ANKRD36C: variants seen among roughly 807,000 people sequenced by gnomAD.
ANKRD36C encodes the protein ankyrin repeat domain 36C.
ANKRD36C carries 61 observed loss-of-function variants against 276.4 expected under a neutral mutation model. The observed-to-expected ratio is 0.22, with a 90% confidence interval of 0.18 to 0.27. The LOEUF (loss-of-function observed/expected upper bound fraction) is 0.27, where lower values mean the gene tolerates loss of function less well. ANKRD36C is among the 10% of genes least tolerant of loss of function. The pLI is 1.00. For missense variants in ANKRD36C, 1,447 were observed against 2,032.3 expected (o/e 0.71, Z 5.54); for synonymous variants, 483 against 680.1 (o/e 0.71, Z 4.51).
At chr2:95,967,203 G>C (rs570140501) in intron 6 of ANKRD36C, among the ~76,000 whole-genome samples, 5 of 152,084 alleles carry the variant, frequency 3.3e-5, no homozygotes, top group South Asian at 2.1e-4. Flanking sequence ...TCAGAGTGAA[G>C]AGGCAACCTA....
At chr2:95,887,470 C>T (rs1280636113) in intron 50 of ANKRD36C, among the ~76,000 whole-genome samples, 1 of 151,366 alleles carries the variant, frequency 6.6e-6, no homozygotes, top group Non-Finnish European at 1.5e-5. Context: ...AATCCCTCTT[C>T]CTTGGGAAAA....
intron 60 of ANKRD36C, among the ~76,000 whole-genome samples, chr2:95,861,976 AC>A (rs372704671): frequency 2.6e-5 from 4 of 152,196 alleles, no homozygotes; most frequent in Middle Eastern, 3.4e-3. Context: ...AAAAAAAAAA[AC>A]ATTCCAGCAA....
chr2:95,883,890 T>A (rs1237985835), intron 54 of ANKRD36C, among the ~76,000 whole-genome samples: 2 of 152,048 alleles, frequency 1.3e-5, no homozygotes, highest in East Asian at 3.9e-4. Context: ...TGCTGTAGAA[T>A]TAAAGCAAAA....
chr2:95,987,984 A>G (rs991327138), intron 1 of ANKRD36C, among the ~76,000 whole-genome samples: 34 of 152,050 alleles, frequency 2.2e-4, no homozygotes, highest in African/African-American at 8.2e-4. Flanking sequence ...TTCATTATTT[A>G]TTACATTTAT....
intron 6 of ANKRD36C, among the ~76,000 whole-genome samples, chr2:95,977,842 C>T (rs1443846666): frequency 2.6e-5 from 4 of 151,944 alleles, no homozygotes; most frequent in Non-Finnish European, 5.9e-5. Flanking sequence ...AAAAATACAA[C>T]ATAATAACTT....
At chr2:95,868,929 C>T (rs1431008331) in intron 59 of ANKRD36C, among the ~76,000 whole-genome samples, 3 of 152,304 alleles carry the variant, frequency 2.0e-5, no homozygotes, top group Non-Finnish European at 4.4e-5. Context: ...CTTGTTTGAT[C>T]CACATTCTCT....
rs1675312642 is a variant in ANKRD36C at position 95,852,303 on chromosome 2, C to CT, written c.5149-108dup. The CT allele has an allele frequency of 8.2e-6, 7 of 855,962 alleles. No individual in the cohort carries two copies. In the Admixed American group the frequency reaches 1.4e-4, roughly 17 times the overall value. The allele number at this position is 855,962 out of a possible 1,614,324, so 53.0% of individuals were successfully genotyped here. A position where few individuals can be genotyped will look rare whatever the true frequency, so the allele number is the denominator to read the frequency against. ...ATAAAATATTTTAGACTATCAGAAT[C>CT]TTTTTTATTTATAAAAGGTCATAAT... On this transcript the variant is annotated intron_variant, in intron 64 of 66. Transcript: ENST00000456556.
intron 42 of ANKRD36C, among the ~76,000 whole-genome samples, chr2:95,911,219 C>G (rs1242058802): frequency 6.6e-6 from 1 of 151,420 alleles, no homozygotes; most frequent in Non-Finnish European, 1.5e-5. Context: ...GTTTCTTCAT[C>G]CACTCATGGC....
chr2:95,948,439 G>C, intron 17 of ANKRD36C, 91 bp downstream of exon 17: 1 of 1,311,566 alleles, frequency 7.6e-7, no homozygotes, highest in Non-Finnish European at 1.0e-6. Flanking sequence ...ATAAAACAAT[G>C]ATAGGTAGAC....
intron 19 of ANKRD36C, among the ~76,000 whole-genome samples, chr2:95,941,839 G>A (rs972077607): frequency 1.3e-5 from 2 of 152,284 alleles, no homozygotes; most frequent in African/African-American, 4.8e-5. Flanking sequence ...AAACAAAAAC[G>A]AACATTCCAA....
exon 38 of ANKRD36C, chr2:95,916,002 C>T (rs753761301): frequency 9.4e-5 from 146 of 1,556,280 alleles, no homozygotes; most frequent in African/African-American, 1.2e-4. Flanking sequence ...TTTCTCCATC[C>T]TTTTTTTCTC....
At chr2:95,923,001 ACTT>A (rs1175039968) in intron 32 of ANKRD36C, among the ~76,000 whole-genome samples, 8 of 151,588 alleles carry the variant, frequency 5.3e-5, no homozygotes, top group Admixed American at 1.3e-4. Flanking sequence ...TACATAAATA[ACTT>A]CTTCTTTTCC....
rs968454543 is a variant in ANKRD36C at position 95,891,954 on chromosome 2, T to C, written c.2756-94A>G. 12 of 1,535,496 alleles carry C rather than the reference T, an allele frequency of 7.8e-6. No homozygotes were observed. The Admixed American group carries it at 2.2e-4, about 28-fold the overall frequency. ...GTGTTAGCATCAACCTCTGTCCTCC[T>C]GCCTGTATTAGCGTAGGCTTTGATG... On this transcript the variant is annotated intron_variant, in intron 44 of 66. Coordinates refer to ENST00000456556, the Ensembl canonical transcript of ANKRD36C.
chr2:95,945,847 G>A, intron 17 of ANKRD36C, among the ~76,000 whole-genome samples: 1 of 152,240 alleles, frequency 6.6e-6, no homozygotes, highest in South Asian at 2.1e-4. Flanking sequence ...CTAAAGACAT[G>A]CGGTCTGCAA....
chr2:95,880,885 CAATGTGGATATACTGATT>C (rs1676062316), intron 56 of ANKRD36C, among the ~76,000 whole-genome samples: 1 of 152,126 alleles, frequency 6.6e-6, no homozygotes, highest in African/African-American at 2.4e-5. Flanking sequence ...GTGTTAATAT[CAATGTGGATATACTGATT>C]AACAAGGAGA....
intron 26 of ANKRD36C, among the ~76,000 whole-genome samples, chr2:95,928,421 G>A (rs918640104): frequency 3.3e-5 from 5 of 151,562 alleles, no homozygotes; most frequent in African/African-American, 1.2e-4. Context: ...GAGGAGTAAT[G>A]AGTCACTGTG....
chr2:95,869,281 CTTTAA>C (rs1179474809), intron 59 of ANKRD36C, among the ~76,000 whole-genome samples: 2 of 151,920 alleles, frequency 1.3e-5, no homozygotes, highest in African/African-American at 4.8e-5. Flanking sequence ...AACCATGAAA[CTTTAA>C]TTTGTCACTG....
intron 34 of ANKRD36C, 75 bp downstream of exon 34, chr2:95,921,532 A>T (rs554460269): frequency 6.5e-7 from 1 of 1,539,304 alleles, no homozygotes; most frequent in Non-Finnish European, 8.8e-7. Flanking sequence ...CCTGCCCTCC[A>T]CTGATTTATT....
chr2:95,967,187 C>T (rs1199211808), intron 6 of ANKRD36C, among the ~76,000 whole-genome samples: 2 of 152,140 alleles, frequency 1.3e-5, no homozygotes, highest in Non-Finnish European at 2.9e-5. Flanking sequence ...ACTTCCAATA[C>T]TATGATCAGA....
Sources: gnomAD v4.1 joint callset for allele counts (sites outside exome capture counted in the v4.1 genomes callset) on GRCh38, gnomAD v4.1.1 for gene constraint, MANE v1.5 for transcripts, NCBI Gene and HGNC (gene_info 2026-07-23, HGNC 2026-07-21) for gene names.